CYS1: variants seen among roughly 807,000 people sequenced by gnomAD.
CYS1 encodes the protein cystin-1.
A neutral mutation model predicts 9.6 loss-of-function variants in CYS1; 5 were observed. The ratio of observed to expected loss-of-function variants is 0.52; its 90% confidence interval spans 0.27 to 1.10. The LOEUF (loss-of-function observed/expected upper bound fraction) is 1.10. Among genes scored for constraint, CYS1 ranks in the 50% least tolerant of loss-of-function variants. CYS1 has a pLI of 0.11. For missense variants in CYS1, 221 were observed against 207.9 expected (o/e 1.06, Z -0.39); for synonymous variants, 88 against 95.7 (o/e 0.92, Z 0.47).
At chr2:10,065,866 C>T (rs373526074) in intron 2 of CYS1, 38 bp downstream of exon 2, 227 of 1,611,100 alleles carry the variant, frequency 1.4e-4, no homozygotes, top group Non-Finnish European at 1.6e-4. Flanking sequence ...AAAAAGAACC[C>T]GTGGCTTCTG....
rs1054093174 is a variant in CYS1 at position 10,063,625 on chromosome 2, GGGA to G, written c.371+2276_371+2278del. Among the ~76,000 whole-genome samples, 2 of 152,212 alleles carry G rather than the reference GGGA, an allele frequency of 1.3e-5. No homozygotes were observed. The highest frequency in any genetic ancestry group is 4.8e-5 in the African/African-American group (2 of 41,456). ...CTGGGAGGGTGAGGGTGACACTGGA[GGGA>G]GGAGATTGAAGGGCGGGACACTGTT... On this transcript the variant is annotated intron_variant, in intron 2 of 2. Transcript: ENST00000381813. This position sits in a 1 kb window ranked among gnomAD's most constrained non-coding sequence, Gnocchi z 4.2.
chr2:10,079,802 G>A (rs77862258), intron 1 of CYS1, 104 bp downstream of exon 1: 38,096 of 729,884 alleles, frequency 0.052, 1,682 homozygotes, highest in East Asian at 0.18. Context: ...GTCGGAGGCT[G>A]GAAGGGGGCG....
intron 1 of CYS1, among the ~76,000 whole-genome samples, chr2:10,071,376 C>T (rs969526462): frequency 1.3e-5 from 2 of 152,174 alleles, no homozygotes; most frequent in East Asian, 1.9e-4. Flanking sequence ...GGGACCCTTG[C>T]GGCAGGGGGC....
Position 10,065,928 on chromosome 2 carries a change from T to A in CYS1, c.347A>T (p.His116Leu). Reference sequence around the variant, plus strand: ...CTCAGAGACATTGCCGCTCCCCGGGTGGCCCTCTGTGCTCTGCTCTGCGCA... The same window carrying A: ...CTCAGAGACATTGCCGCTCCCCGGGAGGCCCTCTGTGCTCTGCTCTGCGCA... ...AVCAEQSTEG[H>L]PGSGNVSEAP... Residue 116 changes from histidine to leucine, a missense_variant, in exon 2 of 3, where the codon CAC (histidine) becomes CTC (leucine). Transcript: ENST00000381813. 2 of 1,614,170 alleles carry A rather than the reference T, an allele frequency of 1.2e-6. No individual in the cohort carries two copies. The highest frequency in any genetic ancestry group is 1.7e-6 in the Non-Finnish European group (2 of 1,180,038).
intron 1 of CYS1, among the ~76,000 whole-genome samples, chr2:10,078,522 G>T (rs1661891880): frequency 6.6e-6 from 1 of 152,238 alleles, no homozygotes; most frequent in Non-Finnish European, 1.5e-5. Flanking sequence ...CCAGCCACCA[G>T]TGACATTAGG....
At chr2:10,078,637 C>T (rs1433077534) in intron 1 of CYS1, among the ~76,000 whole-genome samples, 2 of 152,256 alleles carry the variant, frequency 1.3e-5, no homozygotes, top group Non-Finnish European at 2.9e-5. Context: ...GCCTACCTGC[C>T]TCCCTTGGGA....
In CYS1 at chr2:10,080,318, C is replaced by G; in HGVS notation, c.-95G>C. On this transcript the variant is annotated 5_prime_UTR_variant, in exon 1 of 3. Coordinates refer to ENST00000381813, the MANE Select transcript of CYS1 (RefSeq NM_001037160.3). The surrounding 1 kb of genome is among the most constrained non-coding windows in gnomAD (Gnocchi z 6.4). ...TAGGGGGTGCGGCCGGGGCGGGCTG[C>G]AGGGGGAGGCGCGGGGCGAGGTCCG... is the stretch of plus-strand genomic sequence containing the variant. 1 of 759,910 alleles carries G rather than the reference C, an allele frequency of 1.3e-6. No homozygotes were observed. The highest frequency in any genetic ancestry group is 1.6e-6 in the Non-Finnish European group (1 of 622,844). The allele number at this position is 759,910 out of a possible 1,614,324, so 47.1% of individuals were successfully genotyped here.
intron 1 of CYS1, among the ~76,000 whole-genome samples, chr2:10,077,584 G>A (rs926432905): frequency 6.6e-5 from 10 of 152,178 alleles, no homozygotes; most frequent in Admixed American, 2.6e-4. Context: ...CAGCACTTTG[G>A]GAAGTCAAGG....
intron 2 of CYS1, among the ~76,000 whole-genome samples, chr2:10,064,950 C>G (rs1485015543): frequency 6.6e-6 from 1 of 151,716 alleles, no homozygotes; most frequent in Non-Finnish European, 1.5e-5. Context: ...CCATGTTGGC[C>G]AGGCTGCTCT....
chr2:10,066,118 T>A (rs1032164620), intron 1 of CYS1, among the ~76,000 whole-genome samples, 162 bp from the exon 2 acceptor site: 1 of 152,210 alleles, frequency 6.6e-6, no homozygotes, highest in African/African-American at 2.4e-5. Flanking sequence ...ATCCACTCAT[T>A]GCACAGGCAA....
At chr2:10,061,691 G>A (rs964337923) in intron 2 of CYS1, among the ~76,000 whole-genome samples, 2 of 152,218 alleles carry the variant, frequency 1.3e-5, no homozygotes, top group Non-Finnish European at 2.9e-5. Flanking sequence ...GGCAGCCCTG[G>A]GGCTAGGGTG....
Position 10,072,701 on chromosome 2 carries a change from T to A in CYS1, c.319-6745A>T, listed in dbSNP as rs192330490. 7.9e-5 allele frequency among the ~76,000 whole-genome samples: 12 copies of A among 152,356 alleles called. No homozygotes were observed. The East Asian group carries it at 1.5e-3, about 20-fold the overall frequency. ...AGAGAAACTCCTACAACGGCTCTCCTGGACCTGACCCAGCTTTCACAATTT... is the reference window on the plus strand; with the variant it reads ...AGAGAAACTCCTACAACGGCTCTCCAGGACCTGACCCAGCTTTCACAATTT... On this transcript the variant is annotated intron_variant, in intron 1 of 2. Transcript: ENST00000381813.
intron 1 of CYS1, among the ~76,000 whole-genome samples, chr2:10,072,791 C>A (rs1661788077): frequency 6.6e-6 from 1 of 152,220 alleles, no homozygotes; most frequent in African/African-American, 2.4e-5. Context: ...GGCCAAGATC[C>A]CAGTGCCCTG....
chr2:10,069,427 G>A (rs775658147), intron 1 of CYS1, among the ~76,000 whole-genome samples: 1 of 152,182 alleles, frequency 6.6e-6, no homozygotes, highest in African/African-American at 2.4e-5. Flanking sequence ...GGAGTGCAGT[G>A]GCACAATCTT....
In CYS1 at chr2:10,064,472, C is replaced by T. The variant is rs1283300288; in HGVS notation, c.371+1432G>A. Among the ~76,000 whole-genome samples the T allele has an allele frequency of 2.0e-5, 3 of 152,210 alleles. No individual in the cohort carries two copies. In the East Asian group the frequency reaches 5.8e-4, roughly 29 times the overall value. On this transcript the variant is annotated intron_variant, in intron 2 of 2. Transcript: ENST00000381813. ...CTGCGTGGGCATCATCCTCACTCCT[C>T]ACTACCTCCCCCTCTGCAGCAGCTT...
intron 1 of CYS1, among the ~76,000 whole-genome samples, chr2:10,070,518 G>A (rs367743065): frequency 7.9e-5 from 12 of 152,110 alleles, no homozygotes; most frequent in Admixed American, 5.2e-4. Context: ...GCTAATTTTT[G>A]TATTTTTAGT....
chr2:10,078,025 G>A (rs1253953000), intron 1 of CYS1, among the ~76,000 whole-genome samples: 1 of 151,622 alleles, frequency 6.6e-6, no homozygotes, highest in Non-Finnish European at 1.5e-5. Flanking sequence ...AGAATCGCTT[G>A]AACCTGGGAG....
chr2:10,079,062 C>T (rs1216485405), intron 1 of CYS1, among the ~76,000 whole-genome samples: 1 of 152,248 alleles, frequency 6.6e-6, no homozygotes, highest in Non-Finnish European at 1.5e-5. Context: ...GCCCTACTCA[C>T]TGCAGCTCGC....
chr2:10,075,454 A>T (rs944380544), intron 1 of CYS1, among the ~76,000 whole-genome samples: 1 of 152,320 alleles, frequency 6.6e-6, no homozygotes, highest in Admixed American at 6.5e-5. Context: ...TGCCATTTAA[A>T]TTTGTGTTCT....
Sources: gnomAD v4.1 joint callset for allele counts (sites outside exome capture counted in the v4.1 genomes callset) on GRCh38, gnomAD v4.1.1 for gene constraint, Gnocchi (gnomAD v3.1) non-coding constraint, MANE v1.5 for transcripts, NCBI Gene and HGNC (gene_info 2026-07-23, HGNC 2026-07-21) for gene names.